Variants in ERBB4 observed in about 807,000 individuals in gnomAD.
ERBB4 encodes receptor tyrosine-protein kinase erbB-4.
In ERBB4, 42 loss-of-function variants were observed where a neutral mutation model predicts 158.0. That is an observed-to-expected ratio of 0.27 (90% CI 0.21 to 0.34). ERBB4 has a LOEUF of 0.34. Among genes scored for constraint, ERBB4 ranks in the 10% least tolerant of loss-of-function variants. The pLI is 1.00. For missense variants in ERBB4, 1,333 were observed against 1,624.1 expected (o/e 0.82, Z 3.08); for synonymous variants, 583 against 558.7 (o/e 1.04, Z -0.61).
At chr2:212,249,326 T>C (rs2084432828) in intron 1 of ERBB4, among the ~76,000 whole-genome samples, 1 of 151,784 alleles carries the variant, frequency 6.6e-6, no homozygotes, top group African/African-American at 2.4e-5. Context: ...TATGTTTTTA[T>C]ATAATAATGG....
chr2:212,391,940 G>A (rs896154479), intron 1 of ERBB4, among the ~76,000 whole-genome samples: 11 of 150,924 alleles, frequency 7.3e-5, no homozygotes, highest in African/African-American at 2.2e-4. Flanking sequence ...TAAGCAATGC[G>A]AAATTTTTAA....
At chr2:211,651,493 C>A (rs1170711387) in intron 16 of ERBB4, among the ~76,000 whole-genome samples, 2 of 152,128 alleles carry the variant, frequency 1.3e-5, no homozygotes, top group Non-Finnish European at 2.9e-5. Context: ...TAAATTCTAA[C>A]CCAGGTGCTG....
chr2:211,912,469 T>C (rs2079563934), intron 3 of ERBB4, among the ~76,000 whole-genome samples: 1 of 152,166 alleles, frequency 6.6e-6, no homozygotes, highest in Non-Finnish European at 1.5e-5. Flanking sequence ...AGCTATAACA[T>C]CACTTTGTAC....
At chr2:211,481,966 A>G (rs2065093859) in intron 20 of ERBB4, among the ~76,000 whole-genome samples, 2 of 152,316 alleles carry the variant, frequency 1.3e-5, no homozygotes, top group South Asian at 2.1e-4. Context: ...ATAAGCCACA[A>G]GATTGCTCCA....
chr2:211,495,843 T>C (rs984595123), intron 20 of ERBB4, among the ~76,000 whole-genome samples: 5 of 152,046 alleles, frequency 3.3e-5, no homozygotes, highest in East Asian at 3.9e-4. Flanking sequence ...TTATTATAAA[T>C]GTATACAATT....
chr2:211,878,657 G>GTTTTTTTTTTT (rs56379006), intron 3 of ERBB4, among the ~76,000 whole-genome samples: 4 of 133,874 alleles, frequency 3.0e-5, no homozygotes, highest in Non-Finnish European at 6.1e-5. Context: ...ATTAAGTTTT[G>GTTTTTTTTTTT]TTTTTTTTTT....
chr2:211,502,356 A>C (rs2065638490), intron 20 of ERBB4, among the ~76,000 whole-genome samples: 1 of 152,174 alleles, frequency 6.6e-6, no homozygotes. Context: ...CAGAAAGCTA[A>C]TATATTGAGT....
chr2:212,404,453 C>T (rs2091290438), intron 1 of ERBB4, among the ~76,000 whole-genome samples: 2 of 151,992 alleles, frequency 1.3e-5, no homozygotes, highest in South Asian at 4.1e-4. Context: ...TGAGCAATGA[C>T]TATGTGCCCA....
intron 1 of ERBB4, among the ~76,000 whole-genome samples, chr2:212,142,560 G>A (rs942636754): frequency 8.9e-5 from 13 of 146,716 alleles, no homozygotes; most frequent in Non-Finnish European, 1.5e-4. Context: ...ACTCAGAAAA[G>A]GTCAAACAGT....
chr2:211,459,556 C>A (rs1283724082), intron 20 of ERBB4, among the ~76,000 whole-genome samples: 1 of 152,114 alleles, frequency 6.6e-6, no homozygotes, highest in Non-Finnish European at 1.5e-5. Context: ...GGGAGGTTTC[C>A]CCCATATTGC....
chr2:211,525,131 A>T (rs1249963301), intron 20 of ERBB4, among the ~76,000 whole-genome samples: 1 of 152,132 alleles, frequency 6.6e-6, no homozygotes, highest in Non-Finnish European at 1.5e-5. Flanking sequence ...GGCCACAAAG[A>T]CTGCAAGTCC....
chr2:211,979,825 T>C (rs2081738662), intron 2 of ERBB4, among the ~76,000 whole-genome samples: 1 of 152,170 alleles, frequency 6.6e-6, no homozygotes, highest in Admixed American at 6.5e-5. Context: ...TCTGGATCAA[T>C]CCCTAACTCA....
intron 2 of ERBB4, among the ~76,000 whole-genome samples, chr2:212,026,796 A>T (rs1431465390): frequency 1.3e-5 from 2 of 151,902 alleles, no homozygotes; most frequent in Non-Finnish European, 2.9e-5. Context: ...TCTCCTGGAG[A>T]ATGACATCAA....
chr2:212,299,684 T>C (rs2106203965), intron 1 of ERBB4, among the ~76,000 whole-genome samples: 1 of 151,764 alleles, frequency 6.6e-6, no homozygotes, highest in Non-Finnish European at 1.5e-5. Context: ...ATCACCATCT[T>C]AGGCATCAGA....
At chr2:211,693,648 A>G (rs1345405646) in intron 12 of ERBB4, among the ~76,000 whole-genome samples, 1 of 152,158 alleles carries the variant, frequency 6.6e-6, no homozygotes, top group African/African-American at 2.4e-5. Context: ...TCTGTCTCAG[A>G]ATGATCTGCT....
intron 20 of ERBB4, among the ~76,000 whole-genome samples, chr2:211,501,100 G>T (rs1238413225): frequency 2.1e-5 from 3 of 140,960 alleles, no homozygotes; most frequent in Admixed American, 7.2e-5. Flanking sequence ...TAAATAAAAA[G>T]ATAAGTATCT....
intron 1 of ERBB4, among the ~76,000 whole-genome samples, chr2:212,174,914 G>A (rs1370448715): frequency 1.3e-5 from 2 of 151,958 alleles, no homozygotes; most frequent in African/African-American, 2.4e-5. Context: ...ACTATTTACA[G>A]GTTCATCTCT....
At chr2:212,083,744 T>G (rs1406619855) in intron 2 of ERBB4, among the ~76,000 whole-genome samples, 2 of 151,864 alleles carry the variant, frequency 1.3e-5, no homozygotes, top group Non-Finnish European at 2.9e-5. Flanking sequence ...AAAATATTTA[T>G]CTCCAGATTT....
intron 19 of ERBB4, among the ~76,000 whole-genome samples, chr2:211,611,563 C>T (rs376298132): frequency 2.7e-4 from 41 of 152,000 alleles, no homozygotes; most frequent in East Asian, 9.7e-4. Flanking sequence ...ACGAACCCTT[C>T]GATGAAGAAA....
Sources: allele counts gnomAD v4.1 joint callset (sites outside exome capture counted in the v4.1 genomes callset), GRCh38; gene constraint gnomAD v4.1.1; transcripts MANE v1.5; gene names NCBI Gene and HGNC (gene_info 2026-07-23, HGNC 2026-07-21).